SHISA9: variants seen among roughly 807,000 people sequenced by gnomAD.
The protein encoded by SHISA9 is protein shisa-9.
Under a neutral mutation model 38.0 loss-of-function variants are expected in SHISA9, and 13 were observed. That is an observed-to-expected ratio of 0.34 (90% CI 0.22 to 0.54). The LOEUF (loss-of-function observed/expected upper bound fraction) is 0.54, where lower values mean the gene tolerates loss of function less well. Ranked by LOEUF, SHISA9 falls within the 20% of genes least tolerant of loss-of-function variation. The pLI, the probability that SHISA9 is intolerant of heterozygous loss-of-function variation, is 0.91. For missense variants in SHISA9, 538 were observed against 575.8 expected, an observed-to-expected ratio of 0.93 and a Z score of 0.67; for synonymous variants, 275 against 242.0, an observed-to-expected ratio of 1.14 and a Z score of -1.27.
At chr16:13,114,196 G>A (rs564519749) in intron 2 of SHISA9, among the ~76,000 whole-genome samples, 1 of 152,220 alleles carries the variant, frequency 6.6e-6, no homozygotes, top group Non-Finnish European at 1.5e-5. Flanking sequence ...GCTGGGCGTG[G>A]TGGCTCACAC....
intron 2 of SHISA9, among the ~76,000 whole-genome samples, chr16:12,979,381 A>G (rs563996552): frequency 5.3e-5 from 8 of 151,950 alleles, no homozygotes; most frequent in African/African-American, 1.9e-4. Context: ...CCATCGTTCC[A>G]TGCAGGACTT....
chr16:13,196,822 G>A (rs531054020), intron 2 of SHISA9, among the ~76,000 whole-genome samples: 4 of 152,304 alleles, frequency 2.6e-5, no homozygotes, highest in African/African-American at 7.2e-5. Flanking sequence ...GGCCAGGAGC[G>A]GTGGCTTACG....
At chr16:13,158,693 C>G (rs1167869151) in intron 2 of SHISA9, among the ~76,000 whole-genome samples, 1 of 152,060 alleles carries the variant, frequency 6.6e-6, no homozygotes, top group African/African-American at 2.4e-5. Context: ...GAGGGAGGCT[C>G]CATTTCTTTC....
chr16:13,418,336 T>G, the SHISA9 span, among the ~76,000 whole-genome samples: 1 of 152,236 alleles, frequency 6.6e-6, no homozygotes, highest in Admixed American at 6.5e-5. Flanking sequence ...AAAGCCCATG[T>G]CCATGTTCCA....
the SHISA9 span, among the ~76,000 whole-genome samples, chr16:13,473,639 T>G: frequency 0.01 from 1,580 of 152,290 alleles, 27 homozygotes; most frequent in African/African-American, 0.036. Context: ...TAATGCAGTC[T>G]TTCTCCAGAA....
chr16:13,175,358 C>A (rs1282759339), intron 2 of SHISA9, among the ~76,000 whole-genome samples: 1 of 152,130 alleles, frequency 6.6e-6, no homozygotes, highest in Non-Finnish European at 1.5e-5. Context: ...GAATGAGACT[C>A]CCTCTCCAAA....
At chr16:12,916,625 G>T in intron 1 of SHISA9, 63 bp from the exon 2 acceptor site, 1 of 1,522,320 alleles carries the variant, frequency 6.6e-7, no homozygotes, top group Non-Finnish European at 8.8e-7. Flanking sequence ...GCAGTACTCG[G>T]CGCATAGCAG....
intron 3 of SHISA9, among the ~76,000 whole-genome samples, chr16:13,207,582 C>G (rs893649477): frequency 3.3e-5 from 5 of 151,926 alleles, no homozygotes; most frequent in African/African-American, 1.2e-4. Context: ...TTGATGTACC[C>G]CCTCCTGTTC....
At chr16:13,454,981 A>G in the SHISA9 span, among the ~76,000 whole-genome samples, 2 of 151,158 alleles carry the variant, frequency 1.3e-5, no homozygotes, top group Admixed American at 6.6e-5. Context: ...CAATCTCACT[A>G]TTGCAATCAC....
At chr16:13,493,114 C>T in the SHISA9 span, among the ~76,000 whole-genome samples, 1 of 152,068 alleles carries the variant, frequency 6.6e-6, no homozygotes, top group Non-Finnish European at 1.5e-5. Context: ...ACTCTGTGTC[C>T]CTATTGCTTG....
the SHISA9 span, among the ~76,000 whole-genome samples, chr16:13,491,649 G>C: frequency 4.0e-5 from 6 of 151,046 alleles, no homozygotes; most frequent in Admixed American, 6.6e-5. Context: ...CAGCAGGCCT[G>C]GTTCATTTTT....
chr16:13,363,598 A>C, the SHISA9 span, among the ~76,000 whole-genome samples: 62 of 152,268 alleles, frequency 4.1e-4, no homozygotes, highest in Middle Eastern at 0.01. Flanking sequence ...AAGAGCTTTG[A>C]ATTTGGAGAA....
At chr16:13,368,059 T>TA in the SHISA9 span, among the ~76,000 whole-genome samples, 283 of 152,286 alleles carry the variant, frequency 1.9e-3, no homozygotes, top group Non-Finnish European at 3.3e-3. Context: ...AAGCTTCCTC[T>TA]AAAAAACCTC....
chr16:13,432,272 C>T, the SHISA9 span, among the ~76,000 whole-genome samples: 1 of 152,094 alleles, frequency 6.6e-6, no homozygotes, highest in Admixed American at 6.6e-5. Context: ...ATTCTTTGTC[C>T]CTTTTAGCAT....
At chr16:13,059,082 A>G (rs775121296) in intron 2 of SHISA9, among the ~76,000 whole-genome samples, 1 of 142,608 alleles carries the variant, frequency 7.0e-6, no homozygotes, top group Non-Finnish European at 1.5e-5. Flanking sequence ...TGAATGTGAT[A>G]TTATTTGATA....
the SHISA9 span, among the ~76,000 whole-genome samples, chr16:13,344,594 AATG>A: frequency 1.3e-5 from 2 of 152,196 alleles, no homozygotes; most frequent in Non-Finnish European, 1.5e-5. Flanking sequence ...TATTGATAAT[AATG>A]ATAACAGTAG....
chr16:13,359,072 G>A, the SHISA9 span, among the ~76,000 whole-genome samples: 27 of 125,384 alleles, frequency 2.2e-4, no homozygotes, highest in East Asian at 1.8e-3. Flanking sequence ...ATTCCCATCC[G>A]TTGGACTTCA....
intron 2 of SHISA9, among the ~76,000 whole-genome samples, chr16:13,042,040 A>C (rs937805078): frequency 6.6e-6 from 1 of 152,218 alleles, no homozygotes; most frequent in Non-Finnish European, 1.5e-5. Context: ...GCAGCTGGCT[A>C]ATCAGGGGGA....
At chr16:13,391,680 G>T in the SHISA9 span, among the ~76,000 whole-genome samples, 1 of 152,116 alleles carries the variant, frequency 6.6e-6, no homozygotes, top group Non-Finnish European at 1.5e-5. Flanking sequence ...TGGAATCCAG[G>T]AATCAATATT....
Sources: allele counts gnomAD v4.1 joint callset (sites outside exome capture counted in the v4.1 genomes callset), GRCh38; gene constraint gnomAD v4.1.1; transcripts MANE v1.5; gene names NCBI Gene and HGNC (gene_info 2026-07-23, HGNC 2026-07-21).